TASL: variants seen among roughly 807,000 people sequenced by gnomAD.
TASL encodes TLR adapter interacting with SLC15A4 on the lysosome.
TASL carries 6 observed loss-of-function variants against 12.9 expected under a neutral mutation model. The observed-to-expected ratio is 0.46, with a 90% CI of 0.25 to 0.92. TASL has a LOEUF of 0.92. TASL is among the 40% of genes least tolerant of loss of function. TASL has a pLI of 0.17. For synonymous variants in TASL, 85 were observed against 79.3 expected (o/e 1.07, Z -0.38); for missense variants, 165 against 212.8 (o/e 0.78, Z 1.40).
At chrX:30,566,669 T>C (rs1482605088) in intron 2 of TASL, among the ~76,000 whole-genome samples, 4 of 112,258 alleles carry the variant, frequency 3.6e-5, no homozygotes, top group African/African-American at 1.3e-4. Context: ...TTTAAATGCT[T>C]CTATTTGGAG....
At chrX:30,569,066 C>A (rs182512225) in intron 2 of TASL, among the ~76,000 whole-genome samples, 4 of 110,027 alleles carry the variant, frequency 3.6e-5, no homozygotes, top group African/African-American at 1.3e-4. Context: ...AGACTGAGTA[C>A]ATTTGATTCA....
chrX:30,569,044 T>C (rs1930548286), intron 2 of TASL, among the ~76,000 whole-genome samples: 1 of 109,217 alleles, frequency 9.2e-6, no homozygotes, highest in African/African-American at 3.3e-5. Context: ...GGGAGGTAAG[T>C]TGGGACATCC....
intron 2 of TASL, among the ~76,000 whole-genome samples, chrX:30,574,253 A>T (rs1181083637): frequency 9.0e-6 from 1 of 111,616 alleles, no homozygotes; most frequent in Non-Finnish European, 1.9e-5. Flanking sequence ...ACATTTCAGA[A>T]CCCTTGGCCA....
At chrX:30,568,726 T>A (rs1544547) in intron 2 of TASL, among the ~76,000 whole-genome samples, 1 of 109,353 alleles carries the variant, frequency 9.1e-6, no homozygotes, top group African/African-American at 3.3e-5. Context: ...TAAGTACTCC[T>A]GATAATCTCC....
intron 2 of TASL, among the ~76,000 whole-genome samples, chrX:30,562,941 C>CA (rs369384420): frequency 0.017 from 1,635 of 95,737 alleles, 18 homozygotes; most frequent in Non-Finnish European, 0.027. Context: ...AATACACACA[C>CA]AAAAAAAAAA....
intron 2 of TASL, among the ~76,000 whole-genome samples, chrX:30,572,349 A>T (rs1930639956): frequency 8.9e-6 from 1 of 112,406 alleles, no homozygotes; most frequent in South Asian, 3.6e-4. Context: ...TTGATTTTTT[A>T]AAATTGACAG....
intron 2 of TASL, among the ~76,000 whole-genome samples, chrX:30,566,336 G>A (rs769092340): frequency 9.5e-4 from 104 of 109,341 alleles, no homozygotes; most frequent in African/African-American, 3.3e-3. Context: ...GTGAAACTCC[G>A]TCTTTACTAA....
intron 2 of TASL, among the ~76,000 whole-genome samples, chrX:30,562,921 C>T (rs1488310687): frequency 1.9e-5 from 2 of 107,220 alleles, no homozygotes; most frequent in African/African-American, 6.8e-5. Flanking sequence ...CACACACACA[C>T]ACACACACAA....
intron 2 of TASL, among the ~76,000 whole-genome samples, chrX:30,569,019 G>A (rs1239325980): frequency 1.8e-5 from 2 of 109,054 alleles, no homozygotes; most frequent in Non-Finnish European, 3.8e-5. Context: ...AGGAGTGGGA[G>A]ATAAGGTCAG....
chrX:30,574,605 G>A (rs781572984), intron 2 of TASL, among the ~76,000 whole-genome samples: 29 of 111,667 alleles, frequency 2.6e-4, no homozygotes, highest in East Asian at 5.6e-4. Flanking sequence ...GGATGGGACT[G>A]CCTTCCACCA....
At chrX:30,566,956 A>G (rs1930505961) in intron 2 of TASL, among the ~76,000 whole-genome samples, 1 of 112,079 alleles carries the variant, frequency 8.9e-6, no homozygotes, top group African/African-American at 3.2e-5. Context: ...TCACAGATCT[A>G]GACAATTATA....
At chrX:30,570,165 C>T (rs1930570482) in intron 2 of TASL, among the ~76,000 whole-genome samples, 1 of 110,181 alleles carries the variant, frequency 9.1e-6, no homozygotes, top group African/African-American at 3.3e-5. Context: ...TTCCTTCACA[C>T]TTAACAAATC....
At chrX:30,575,783 A>C (rs1930695810) in intron 2 of TASL, among the ~76,000 whole-genome samples, 1 of 111,847 alleles carries the variant, frequency 8.9e-6, no homozygotes, top group Admixed American at 9.5e-5. Context: ...GGACGATCTG[A>C]TGTGTGAATT....
chrX:30,577,067 G>T (rs944719065), intron 1 of TASL, among the ~76,000 whole-genome samples: 1 of 111,905 alleles, frequency 8.9e-6, no homozygotes, highest in African/African-American at 3.2e-5. Flanking sequence ...AAGTCGAAAA[G>T]CATCCTCACT....
In TASL at chrX:30,560,236, G is replaced by A. The variant is rs1263017396; in HGVS notation, c.120C>T (p.Thr40=). Residue 40 remains threonine, a synonymous_variant, in exon 3 of 3, where the codon ACC becomes ACT. Transcript: ENST00000378962. ...TTTCATCCACAGAGGAATAGGAAAG[G>A]GTAGCAACAGAATTTGTCTCCTCTT... The part of the protein sequence containing the change: ...EKEEETNSVA[T]LSYSSVDETQ... 3 of 1,208,806 alleles carry A rather than the reference G, an allele frequency of 2.5e-6. No homozygotes were observed. The highest frequency in any genetic ancestry group is 1.8e-5 in the African/African-American group (1 of 56,927).
chrX:30,571,270 GAA>G lies in TASL; in HGVS notation c.-2+5480_-2+5481del, dbSNP rs758951918. On this transcript the variant is annotated intron_variant, in intron 2 of 2. Coordinates refer to ENST00000378962, the MANE Select transcript of TASL (RefSeq NM_025159.3). ...AGAGAAAGAAAGAGAAAGAAAGAAA[GAA>G]AGAAAGAAAGAAAGAAAGAAAGAAA... 7.6e-3 allele frequency among the ~76,000 whole-genome samples: 368 copies of G among 48,527 alleles called. 12 individuals carry two copies. Among genetic ancestry groups the G allele is most frequent in the Admixed American group, 0.012 (53 of 4,272 alleles). The allele number at this position is 48,527 out of a possible 115,157, so 42.1% of individuals were successfully genotyped here. A position where few individuals can be genotyped will look rare whatever the true frequency, so the allele number is the denominator to read the frequency against.
At chrX:30,575,875 CCTT>C (rs1178587106) in intron 2 of TASL, among the ~76,000 whole-genome samples, 6 of 111,132 alleles carry the variant, frequency 5.4e-5, no homozygotes, top group Admixed American at 9.6e-5. Context: ...TCTTTATACT[CCTT>C]CTTGATATAA....
At chrX:30,570,223 A>T (rs1472593604) in intron 2 of TASL, among the ~76,000 whole-genome samples, 1 of 72,687 alleles carries the variant, frequency 1.4e-5, no homozygotes, top group African/African-American at 5.8e-5. Context: ...TGTGTACATA[A>T]ATACTCTCTC....
chrX:30,573,821 G>A lies in TASL; in HGVS notation c.-2+2931C>T, dbSNP rs368102954. Among the ~76,000 whole-genome samples, 6 of 111,265 alleles carry A rather than the reference G, an allele frequency of 5.4e-5. No individual in the cohort carries two copies. The East Asian group carries it at 1.7e-3, about 31-fold the overall frequency. On this transcript the variant is annotated intron_variant, in intron 2 of 2. Coordinates refer to ENST00000378962, the MANE Select transcript of TASL (RefSeq NM_025159.3). ...TAGTCCCAGCTACTCGGGAGGCTGAGACAGGAGAATTGCTTGAACCCAGGA... is the reference window on the plus strand; with the variant it reads ...TAGTCCCAGCTACTCGGGAGGCTGAAACAGGAGAATTGCTTGAACCCAGGA...
Sources: gnomAD v4.1 joint callset for allele counts (sites outside exome capture counted in the v4.1 genomes callset) on GRCh38, gnomAD v4.1.1 for gene constraint, MANE v1.5 for transcripts, NCBI Gene and HGNC (gene_info 2026-07-23, HGNC 2026-07-21) for gene names.